The following MYO9A variants were observed in gnomAD, a reference collection of about 807,000 sequenced individuals.
MYO9A encodes the protein myosin IXA, also known as unconventional myosin-IXa.
In MYO9A, 103 loss-of-function variants were observed where a neutral mutation model predicts 293.3. The ratio of observed to expected loss-of-function variants is 0.35; its 90% confidence interval spans 0.30 to 0.41. The LOEUF (loss-of-function observed/expected upper bound fraction) is 0.41, where lower values mean the gene tolerates loss of function less well. Among genes scored for constraint, MYO9A ranks in the 10% least tolerant of loss-of-function variants. The probability of loss-of-function intolerance (pLI) is 1.00; values close to 1 mark genes in which losing one functional copy is unlikely to be tolerated. For missense variants in MYO9A, 2,685 were observed against 3,033.0 expected (o/e 0.89, Z 2.69); for synonymous variants, 1,001 against 1,035.7 (o/e 0.97, Z 0.64).
intron 11 of MYO9A, among the ~76,000 whole-genome samples, chr15:71,988,597 G>A (rs967568131): frequency 6.6e-6 from 1 of 152,070 alleles, no homozygotes; most frequent in African/African-American, 2.4e-5. Context: ...GCAAAATAGA[G>A]GCACTTTTTT....
At chr15:72,018,914 T>G in intron 6 of MYO9A, 125 bp downstream of exon 6, 1 of 727,568 alleles carries the variant, frequency 1.4e-6, no homozygotes, top group Admixed American at 2.3e-5. Flanking sequence ...AAACATTGAT[T>G]TATCTTCCTT....
intron 39 of MYO9A, among the ~76,000 whole-genome samples, chr15:71,845,036 CA>C (rs1238772276): frequency 2.6e-5 from 4 of 152,130 alleles, no homozygotes; most frequent in Non-Finnish European, 5.9e-5. Flanking sequence ...AAATTTTACT[CA>C]AAAATAGCAC....
intron 15 of MYO9A, among the ~76,000 whole-genome samples, chr15:71,939,494 T>G (rs953381934): frequency 1.3e-5 from 2 of 152,218 alleles, no homozygotes; most frequent in Admixed American, 6.5e-5. Context: ...CTAAGGACAA[T>G]AGCCTCCAGC....
intron 1 of MYO9A, among the ~76,000 whole-genome samples, chr15:72,054,725 T>C (rs2149848958): frequency 6.9e-6 from 1 of 144,628 alleles, no homozygotes; most frequent in East Asian, 2.0e-4. Context: ...GTGAGTGAAA[T>C]GTTTATTAGT....
chr15:72,024,902 T>C (rs2077615654), intron 4 of MYO9A, among the ~76,000 whole-genome samples: 1 of 151,728 alleles, frequency 6.6e-6, no homozygotes, highest in African/African-American at 2.4e-5. Context: ...AAGGCAGGAA[T>C]AGAAGAACAG....
intron 1 of MYO9A, among the ~76,000 whole-genome samples, chr15:72,074,689 T>C (rs1364813263): frequency 6.6e-6 from 1 of 152,010 alleles, no homozygotes; most frequent in East Asian, 1.9e-4. Context: ...TGAGATGATC[T>C]GCAGAGTAGA....
intron 29 of MYO9A, 121 bp from the exon 30 acceptor site, chr15:71,879,958 T>C: frequency 2.9e-6 from 2 of 685,952 alleles, no homozygotes; most frequent in Non-Finnish European, 5.0e-6. Flanking sequence ...CACAGGCTAT[T>C]ATAGGACTCA....
At chr15:71,945,925 G>T (rs1220984282) in intron 15 of MYO9A, among the ~76,000 whole-genome samples, 5 of 152,122 alleles carry the variant, frequency 3.3e-5, no homozygotes, top group Non-Finnish European at 7.4e-5. Context: ...GCTACTAAAA[G>T]TTTTAAAATA....
intron 1 of MYO9A, among the ~76,000 whole-genome samples, chr15:72,063,102 T>C (rs796333994): frequency 2.6e-4 from 40 of 152,322 alleles, no homozygotes; most frequent in African/African-American, 7.9e-4. Flanking sequence ...CATACATCTA[T>C]AGTGAATTCA....
At chr15:71,996,848 G>A (rs1474994528) in intron 9 of MYO9A, among the ~76,000 whole-genome samples, 1 of 151,932 alleles carries the variant, frequency 6.6e-6, no homozygotes, top group African/African-American at 2.4e-5. Flanking sequence ...AAGATTCCCT[G>A]GGGGTACAAG....
intron 32 of MYO9A, among the ~76,000 whole-genome samples, chr15:71,867,245 C>T (rs943452151): frequency 6.6e-6 from 1 of 152,026 alleles, no homozygotes; most frequent in Admixed American, 6.6e-5. Flanking sequence ...CACACCAGGA[C>T]AATTCCATAA....
At chr15:71,894,218 T>C (rs2057259087) in intron 25 of MYO9A, among the ~76,000 whole-genome samples, 2 of 152,290 alleles carry the variant, frequency 1.3e-5, no homozygotes, top group Middle Eastern at 3.4e-3. Flanking sequence ...ATGGTTCTTA[T>C]TGGTTAGAAA....
At chr15:71,995,789 C>T (rs1008043651) in intron 9 of MYO9A, among the ~76,000 whole-genome samples, 5 of 152,070 alleles carry the variant, frequency 3.3e-5, no homozygotes, top group African/African-American at 1.2e-4. Flanking sequence ...ATTCTAGCTG[C>T]ATAATCATGA....
In MYO9A at chr15:71,899,847, T is replaced by A; in HGVS notation, c.3310A>T (p.Ile1104Phe). The A allele has an allele frequency of 6.2e-7, 1 of 1,614,154 alleles. No individual in the cohort carries two copies. The highest frequency in any genetic ancestry group is 8.5e-7 in the Non-Finnish European group (1 of 1,180,042). The change falls in exon 24 of 42, where the codon ATC becomes TTC. Residue 1104 changes from isoleucine (I) to phenylalanine (F), a missense_variant. This residue lies in a region of MYO9A where 1,434 missense variants were observed against 1,497.7 expected (regional missense o/e 0.96). Coordinates refer to ENST00000356056, the MANE Select transcript of MYO9A (RefSeq NM_006901.4). ...TAGTAATCTCTCCATTTCTGCTGGA[T>A]AACGATGGCTGCAGCCCGTAACTCC... Reference protein sequence around the residue: ...YLELRAAAIVIQQKWRDYYRR... With the variant: ...YLELRAAAIVFQQKWRDYYRR...
chr15:72,031,484 C>A (rs1424661393), intron 3 of MYO9A, among the ~76,000 whole-genome samples: 1 of 151,410 alleles, frequency 6.6e-6, no homozygotes, highest in Non-Finnish European at 1.5e-5. Flanking sequence ...AGACCCTTCT[C>A]AAAAAAAATA....
At chr15:71,899,539 G>A in intron 24 of MYO9A, 148 bp downstream of exon 24, 1 of 663,940 alleles carries the variant, frequency 1.5e-6, no homozygotes, top group East Asian at 2.7e-5. Context: ...ACAATACAAT[G>A]TGGGTTAAAA....
chr15:71,900,031 A>C (rs1364135398), intron 23 of MYO9A, 25 bp from the exon 24 acceptor site: 2 of 1,575,040 alleles, frequency 1.3e-6, no homozygotes, highest in Non-Finnish European at 1.7e-6. Context: ...AAATAACAGA[A>C]ACTGGTTGTC....
chr15:71,893,526 T>C, intron 26 of MYO9A, 153 bp downstream of exon 26: 2 of 668,856 alleles, frequency 3.0e-6, no homozygotes, highest in Non-Finnish European at 5.0e-6. Context: ...TACACCTTCA[T>C]AATTATAACA....
chr15:72,079,968 G>C (rs1371953605), intron 1 of MYO9A, among the ~76,000 whole-genome samples: 2 of 152,088 alleles, frequency 1.3e-5, no homozygotes, highest in Non-Finnish European at 2.9e-5. Context: ...GTATTTAAAA[G>C]GAATTTTAAA....
Sources: allele counts gnomAD v4.1 joint callset (sites outside exome capture counted in the v4.1 genomes callset), GRCh38; gene constraint gnomAD v4.1.1; regional missense constraint gnomAD v4.1.1; transcripts MANE v1.5; gene names NCBI Gene and HGNC (gene_info 2026-07-23, HGNC 2026-07-21).